SLC35F3: variants seen among roughly 807,000 people sequenced by gnomAD.
SLC35F3 encodes the protein solute carrier family 35 member F3, also known as putative thiamine transporter SLC35F3.
In SLC35F3, 25 loss-of-function variants were observed where a neutral mutation model predicts 49.9. The observed-to-expected ratio is 0.50, with a 90% confidence interval of 0.37 to 0.70. SLC35F3 has a LOEUF of 0.70. Ranked by LOEUF, SLC35F3 falls within the 30% of genes least tolerant of loss-of-function variation. The pLI is 0.00. For synonymous variants in SLC35F3, 275 were observed against 265.4 expected, an observed-to-expected ratio of 1.04 and a Z score of -0.35; for missense variants, 525 against 639.8, an observed-to-expected ratio of 0.82 and a Z score of 1.94.
At chr1:234,136,549 T>C (rs945026095) in intron 2 of SLC35F3, among the ~76,000 whole-genome samples, 14 of 152,180 alleles carry the variant, frequency 9.2e-5, no homozygotes, top group African/African-American at 3.4e-4. Context: ...ACAGTTGTAA[T>C]TCACTAAACA....
At chr1:233,950,007 A>G (rs1460022616) in intron 2 of SLC35F3, among the ~76,000 whole-genome samples, 3 of 152,100 alleles carry the variant, frequency 2.0e-5, no homozygotes, top group African/African-American at 7.2e-5. Flanking sequence ...AGTTTTTTTC[A>G]GACACCTCTG....
intron 2 of SLC35F3, among the ~76,000 whole-genome samples, chr1:234,007,700 T>G (rs963752855): frequency 6.6e-6 from 1 of 152,230 alleles, no homozygotes; most frequent in African/African-American, 2.4e-5. Flanking sequence ...TCAGATGTAA[T>G]GCTGCATGTT....
intron 2 of SLC35F3, among the ~76,000 whole-genome samples, chr1:234,094,219 A>G (rs538642862): frequency 4.6e-5 from 7 of 152,336 alleles, no homozygotes; most frequent in African/African-American, 1.4e-4. Context: ...TTAGAAGCCT[A>G]TTTTCATGAA....
intron 2 of SLC35F3, among the ~76,000 whole-genome samples, chr1:234,010,778 G>T (rs1448498900): frequency 1.3e-5 from 2 of 152,160 alleles, no homozygotes; most frequent in Non-Finnish European, 2.9e-5. Flanking sequence ...GATGGAAAGA[G>T]ATGGAAAGAA....
chr1:234,012,627 C>A (rs567487194), intron 2 of SLC35F3, among the ~76,000 whole-genome samples: 1 of 152,300 alleles, frequency 6.6e-6, no homozygotes, highest in Non-Finnish European at 1.5e-5. Context: ...GCCCTAGATC[C>A]CTTAAACCTT....
chr1:234,050,590 C>A (rs1366309079), intron 2 of SLC35F3, among the ~76,000 whole-genome samples: 1 of 152,138 alleles, frequency 6.6e-6, no homozygotes, highest in Admixed American at 6.5e-5. Flanking sequence ...TGTAAGTTGC[C>A]TGTTCACTCT....
At chr1:234,165,802 C>T (rs1666310267) in intron 2 of SLC35F3, among the ~76,000 whole-genome samples, 1 of 152,100 alleles carries the variant, frequency 6.6e-6, no homozygotes, top group African/African-American at 2.4e-5. Context: ...TAGTGTACCC[C>T]TCACCCAAGT....
At chr1:233,914,647 A>G (rs1571977006) in intron 2 of SLC35F3, among the ~76,000 whole-genome samples, 3 of 152,240 alleles carry the variant, frequency 2.0e-5, no homozygotes, top group East Asian at 3.8e-4. Context: ...AAGATCATAA[A>G]GAAGGTCAGG....
At chr1:234,047,680 TACACACACACACATACATAC>T (rs1462085629) in intron 2 of SLC35F3, among the ~76,000 whole-genome samples, 3 of 142,900 alleles carry the variant, frequency 2.1e-5, no homozygotes, top group South Asian at 2.1e-4. Context: ...ATCATACACA[TACACACACACACATACATAC>T]ACACACACAC....
chr1:233,953,254 G>A (rs568779386), intron 2 of SLC35F3, among the ~76,000 whole-genome samples: 1 of 152,246 alleles, frequency 6.6e-6, no homozygotes, highest in East Asian at 1.9e-4. Context: ...AAAAAAATCA[G>A]TAATACTTGA....
At chr1:234,168,935 G>A (rs1337701049) in intron 2 of SLC35F3, among the ~76,000 whole-genome samples, 13 of 152,180 alleles carry the variant, frequency 8.5e-5, no homozygotes, top group Admixed American at 6.5e-5. Flanking sequence ...GGCTTACATG[G>A]TTATGGAGGC....
intron 2 of SLC35F3, among the ~76,000 whole-genome samples, chr1:234,132,501 C>T (rs1665751041): frequency 6.6e-6 from 1 of 152,206 alleles, no homozygotes; most frequent in African/African-American, 2.4e-5. Context: ...TAAGCATGCT[C>T]ATTTCCCTGC....
intron 3 of SLC35F3, among the ~76,000 whole-genome samples, chr1:234,298,920 G>A (rs750283256): frequency 6.6e-6 from 1 of 152,218 alleles, no homozygotes; most frequent in Non-Finnish European, 1.5e-5. Flanking sequence ...AGAGTGAAGG[G>A]ACACAGAGGA....
chr1:234,001,011 G>A (rs1653247390), intron 2 of SLC35F3, among the ~76,000 whole-genome samples: 1 of 152,232 alleles, frequency 6.6e-6, no homozygotes, highest in Non-Finnish European at 1.5e-5. Context: ...AGTACAAAGA[G>A]AACTTGATCC....
intron 5 of SLC35F3, among the ~76,000 whole-genome samples, chr1:234,317,481 T>C (rs1657519616): frequency 6.6e-6 from 1 of 152,112 alleles, no homozygotes; most frequent in Admixed American, 6.6e-5. Context: ...ACCTAGAAGA[T>C]TCAATGAGAA....
chr1:234,266,085 TTACTC>T (rs1667974913), intron 3 of SLC35F3, among the ~76,000 whole-genome samples: 1 of 152,196 alleles, frequency 6.6e-6, no homozygotes, highest in East Asian at 1.9e-4. Context: ...GACACACTAT[TTACTC>T]TATATGTGTT....
chr1:234,099,077 A>G (rs764095067), intron 2 of SLC35F3, among the ~76,000 whole-genome samples: 52 of 152,056 alleles, frequency 3.4e-4, no homozygotes, highest in Non-Finnish European at 6.3e-4. Context: ...TGTTGTTTTC[A>G]CCATAGTCCT....
In SLC35F3 at chr1:234,283,089, A is replaced by C. The variant is rs192178505; in HGVS notation, c.609-26012A>C. ...TGGATGTTAGTCTTTGAGTGAGCAC[A>C]TGAGTAGCATCAGGGCCATGGGATT... On this transcript the variant is annotated intron_variant, in intron 3 of 7. Transcript: ENST00000366618. 1.6e-3 allele frequency among the ~76,000 whole-genome samples: 248 copies of C among 152,294 alleles called. 1 individual carries two copies. Among genetic ancestry groups the C allele is most frequent in the African/African-American group, 4.8e-3 (199 of 41,566 alleles).
At chr1:234,031,388 T>G (rs1226334559) in intron 2 of SLC35F3, among the ~76,000 whole-genome samples, 5 of 152,210 alleles carry the variant, frequency 3.3e-5, no homozygotes, top group Non-Finnish European at 4.4e-5. Context: ...AATTCCAGGC[T>G]GCGTATCAAT....
Sources: allele counts gnomAD v4.1 joint callset (sites outside exome capture counted in the v4.1 genomes callset), GRCh38; gene constraint gnomAD v4.1.1; transcripts MANE v1.5; gene names NCBI Gene and HGNC (gene_info 2026-07-23, HGNC 2026-07-21).